Variants in GRM7 observed in about 807,000 individuals in gnomAD.
GRM7 encodes metabotropic glutamate receptor 7.
GRM7 carries 35 observed loss-of-function variants against 84.5 expected under a neutral mutation model. The ratio of observed to expected loss-of-function variants is 0.41; its 90% CI spans 0.32 to 0.55. The LOEUF (loss-of-function observed/expected upper bound fraction) is 0.55, where lower values mean the gene tolerates loss of function less well. GRM7 is among the 20% of genes least tolerant of loss of function. The pLI is 0.19. For missense variants in GRM7, 1,003 were observed against 1,194.6 expected (o/e 0.84, Z 2.36); for synonymous variants, 487 against 455.1 (o/e 1.07, Z -0.89).
At chr3:6,944,326 C>A (rs764286612) in intron 1 of GRM7, among the ~76,000 whole-genome samples, 19 of 151,856 alleles carry the variant, frequency 1.3e-4, no homozygotes, top group Non-Finnish European at 2.4e-4. Flanking sequence ...TCATAGATAC[C>A]CTTTATGAGG....
At chr3:7,626,222 C>T (rs3804867) in intron 8 of GRM7, among the ~76,000 whole-genome samples, 20,190 of 152,048 alleles carry the variant, frequency 0.13, 1,541 homozygotes, top group Non-Finnish European at 0.17. Flanking sequence ...ACTTTGACAA[C>T]GTGGCTCACT....
At chr3:7,555,575 G>T (rs559272454) in intron 7 of GRM7, among the ~76,000 whole-genome samples, 136 of 152,280 alleles carry the variant, frequency 8.9e-4, no homozygotes, top group African/African-American at 3.0e-3. Context: ...TAACAATTCT[G>T]TGCACCTTTC....
At chr3:7,195,923 G>A (rs1695863261) in intron 2 of GRM7, among the ~76,000 whole-genome samples, 1 of 152,132 alleles carries the variant, frequency 6.6e-6, no homozygotes, top group African/African-American at 2.4e-5. Flanking sequence ...GTTCTCCAGA[G>A]AACAGAACCG....
rs192655069 is a variant in GRM7, at chr3:7,645,920, G to A, written c.2452-34129G>A. ...TTGCATAAATAAGCTATTTTATTTT[G>A]TCATTACTTGGGGAGCGTCTGTTTG... is the stretch of plus-strand genomic sequence containing the variant. On this transcript the variant is annotated intron_variant, in intron 8 of 9. Transcript: ENST00000357716. 3.4e-3 allele frequency among the ~76,000 whole-genome samples: 514 copies of A among 151,928 alleles called. 2 individuals are homozygous for A. Among genetic ancestry groups the A allele is most frequent in the Non-Finnish European group, 3.5e-3 (237 of 68,018 alleles).
In GRM7 at chr3:7,447,094, G is replaced by C. The variant is rs895933191; in HGVS notation, c.1175-5513G>C. Reference sequence around the variant, plus strand: ...AGAAGAAAATCGGGAGACGTGAAAAGTTAAGCTTTGCATACTAGAGAGGTA... The same window carrying C: ...AGAAGAAAATCGGGAGACGTGAAAACTTAAGCTTTGCATACTAGAGAGGTA... On this transcript the variant is annotated intron_variant, in intron 5 of 9. Transcript: ENST00000357716. Among the ~76,000 whole-genome samples, 7 of 152,080 alleles carry C rather than the reference G, an allele frequency of 4.6e-5. No homozygotes were observed. In the South Asian group the frequency reaches 1.5e-3, roughly 32 times the overall value.
In GRM7 at chr3:7,677,421, C is replaced by A. The variant is rs549263985; in HGVS notation, c.2452-2628C>A. On this transcript the variant is annotated intron_variant, in intron 8 of 9. Coordinates refer to ENST00000357716, the MANE Select transcript of GRM7 (RefSeq NM_000844.4). ...ATTTTTATGCTCATTTTGCAGATAC[C>A]GAAGCTGAGGAGAAGTAATTTGTCC... Among the ~76,000 whole-genome samples, 138 of 151,928 alleles carry A rather than the reference C, an allele frequency of 9.1e-4. 2 individuals carry two copies. The South Asian group carries it at 0.026, about 29-fold the overall frequency.
chr3:7,059,794 G>A (rs542630602), intron 1 of GRM7, among the ~76,000 whole-genome samples: 113 of 151,730 alleles, frequency 7.4e-4, no homozygotes, highest in Non-Finnish European at 1.3e-3. Context: ...TGCCATGTGA[G>A]AACTCAGCAT....
intron 1 of GRM7, among the ~76,000 whole-genome samples, chr3:7,093,326 T>A (rs754080624): frequency 6.6e-6 from 1 of 152,026 alleles, no homozygotes; most frequent in South Asian, 2.1e-4. Context: ...TACTTGTGTG[T>A]GTGTGTCTGT....
intron 4 of GRM7, among the ~76,000 whole-genome samples, chr3:7,381,784 G>T (rs986187200): frequency 3.9e-5 from 6 of 152,032 alleles, no homozygotes; most frequent in African/African-American, 1.2e-4. Context: ...TATTATTTTG[G>T]TTTTGATTAT....
chr3:7,052,574 CAAGT>C (rs200676537), intron 1 of GRM7, among the ~76,000 whole-genome samples: 3,672 of 151,728 alleles, frequency 0.024, 159 homozygotes, highest in African/African-American at 0.084. Context: ...CACACACAGA[CAAGT>C]CTGTGACCAC....
intron 1 of GRM7, among the ~76,000 whole-genome samples, chr3:7,102,775 CTATT>C (rs879451095): frequency 2.0e-5 from 3 of 151,624 alleles, no homozygotes; most frequent in Non-Finnish European, 4.4e-5. Flanking sequence ...TGAATAAAGT[CTATT>C]TATCTGCTTT....
At chr3:7,489,707 A>T (rs1158428624) in intron 7 of GRM7, among the ~76,000 whole-genome samples, 1 of 151,504 alleles carries the variant, frequency 6.6e-6, no homozygotes, top group Non-Finnish European at 1.5e-5. Flanking sequence ...TACATTGATT[A>T]ATTTATTAGG....
At chr3:7,378,735 C>T (rs935098324) in intron 4 of GRM7, among the ~76,000 whole-genome samples, 3 of 152,216 alleles carry the variant, frequency 2.0e-5, no homozygotes, top group South Asian at 4.1e-4. Context: ...ATCTAAACTT[C>T]TGATTTTTAT....
chr3:7,717,071 A>C (rs1701792300), intron 9 of GRM7, among the ~76,000 whole-genome samples: 1 of 152,164 alleles, frequency 6.6e-6, no homozygotes, highest in African/African-American at 2.4e-5. Flanking sequence ...GTGTGGAAGG[A>C]TAGAATACTG....
intron 4 of GRM7, among the ~76,000 whole-genome samples, chr3:7,341,734 G>A (rs1027602743): frequency 2.6e-5 from 4 of 152,100 alleles, no homozygotes; most frequent in African/African-American, 9.7e-5. Context: ...TGTTTACTAT[G>A]TGTTTTACAT....
At chr3:6,982,774 C>T (rs1171849798) in intron 1 of GRM7, among the ~76,000 whole-genome samples, 1 of 152,074 alleles carries the variant, frequency 6.6e-6, no homozygotes, top group Non-Finnish European at 1.5e-5. Context: ...TGGCTTAATA[C>T]CTTTGAGATT....
chr3:6,924,795 A>G (rs1392970476), intron 1 of GRM7, among the ~76,000 whole-genome samples: 2 of 152,204 alleles, frequency 1.3e-5, no homozygotes, highest in East Asian at 1.9e-4. Flanking sequence ...CAATGTCAGT[A>G]GAAGGGATGG....
chr3:7,525,854 A>T (rs2124997720), intron 7 of GRM7, among the ~76,000 whole-genome samples: 1 of 152,256 alleles, frequency 6.6e-6, no homozygotes, highest in South Asian at 2.1e-4. Flanking sequence ...AATAGCCTTC[A>T]GCTCCATCCA....
At chr3:6,929,999 C>T (rs1697445776) in intron 1 of GRM7, among the ~76,000 whole-genome samples, 1 of 152,168 alleles carries the variant, frequency 6.6e-6, no homozygotes, top group Non-Finnish European at 1.5e-5. Flanking sequence ...TTCCCCAACC[C>T]ATATGTGGCT....
Sources: gnomAD v4.1 joint callset for allele counts (sites outside exome capture counted in the v4.1 genomes callset) on GRCh38, gnomAD v4.1.1 for gene constraint, MANE v1.5 for transcripts, NCBI Gene and HGNC (gene_info 2026-07-23, HGNC 2026-07-21) for gene names.